Variants in DNAJC3 observed in about 807,000 individuals in gnomAD.
DNAJC3 encodes dnaJ homolog subfamily C member 3.
A neutral mutation model predicts 68.6 loss-of-function variants in DNAJC3; 38 were observed. The observed-to-expected ratio is 0.55, with a 90% CI of 0.43 to 0.73. The LOEUF (loss-of-function observed/expected upper bound fraction) is 0.73. Ranked by LOEUF, DNAJC3 falls within the 30% of genes least tolerant of loss-of-function variation. The pLI is 0.00. For synonymous variants in DNAJC3, 203 were observed against 204.0 expected, an observed-to-expected ratio of 1.00 and a Z score of 0.04; for missense variants, 526 against 591.9, an observed-to-expected ratio of 0.89 and a Z score of 1.16.
intron 4 of DNAJC3, among the ~76,000 whole-genome samples, chr13:95,726,568 T>C (rs1197132374): frequency 6.6e-6 from 1 of 152,232 alleles, no homozygotes; most frequent in African/African-American, 2.4e-5. Context: ...TCATCCATTA[T>C]GGCTGCTTTA....
At chr13:95,714,329 G>A (rs999719351) in intron 2 of DNAJC3, among the ~76,000 whole-genome samples, 6 of 151,150 alleles carry the variant, frequency 4.0e-5, no homozygotes, top group Admixed American at 4.0e-4. Flanking sequence ...CAGGTGCAGT[G>A]AGCTATGATT....
At chr13:95,763,789 T>G in intron 8 of DNAJC3, 41 bp downstream of exon 8, 1 of 1,613,806 alleles carries the variant, frequency 6.2e-7, no homozygotes, top group South Asian at 1.1e-5. Context: ...AAACTCAACA[T>G]GTGGAATACC....
chr13:95,730,667 T>C (rs1275439574), intron 4 of DNAJC3, among the ~76,000 whole-genome samples: 1 of 152,240 alleles, frequency 6.6e-6, no homozygotes, highest in African/African-American at 2.4e-5. Flanking sequence ...TCCATTGATG[T>C]ATGTGTCTGG....
intron 1 of DNAJC3, 68 bp from the exon 2 acceptor site, chr13:95,709,159 A>G: frequency 1.8e-6 from 2 of 1,127,324 alleles, no homozygotes; most frequent in Non-Finnish European, 1.2e-6. Context: ...TATTTTTAAT[A>G]TTATATTTTT....
chr13:95,700,135 G>C (rs1038353917), intron 1 of DNAJC3, among the ~76,000 whole-genome samples: 2 of 152,056 alleles, frequency 1.3e-5, no homozygotes, highest in African/African-American at 4.8e-5. Flanking sequence ...GTTTATATAA[G>C]ATATGGGGTC....
intron 9 of DNAJC3, among the ~76,000 whole-genome samples, chr13:95,783,267 C>T (rs951606156): frequency 2.0e-5 from 3 of 152,136 alleles, no homozygotes; most frequent in African/African-American, 7.2e-5. Flanking sequence ...AGGAAACAAC[C>T]TATAATTTTA....
chr13:95,727,062 G>A (rs982365896), intron 4 of DNAJC3, among the ~76,000 whole-genome samples: 3 of 152,140 alleles, frequency 2.0e-5, no homozygotes, highest in Non-Finnish European at 4.4e-5. Context: ...TGATAGTGCC[G>A]GAGTAATCTT....
chr13:95,785,856 C>A, intron 9 of DNAJC3, 83 bp from the exon 10 acceptor site: 1 of 1,347,242 alleles, frequency 7.4e-7, no homozygotes, highest in East Asian at 2.6e-5. Flanking sequence ...GGGATGACGA[C>A]TTTAGCATCA....
At chr13:95,764,368 T>C (rs1330683502) in intron 9 of DNAJC3, among the ~76,000 whole-genome samples, 1 of 139,496 alleles carries the variant, frequency 7.2e-6, no homozygotes. Context: ...TCTCTCTCTC[T>C]CTCTCTCTAT....
intron 1 of DNAJC3, among the ~76,000 whole-genome samples, chr13:95,680,924 A>T (rs899196429): frequency 6.6e-6 from 1 of 151,326 alleles, no homozygotes; most frequent in East Asian, 1.9e-4. Flanking sequence ...AAAGCTACTT[A>T]AAAAAATTAA....
At chr13:95,775,981 C>T (rs1322025140) in intron 9 of DNAJC3, among the ~76,000 whole-genome samples, 1 of 151,568 alleles carries the variant, frequency 6.6e-6, no homozygotes, top group Non-Finnish European at 1.5e-5. Flanking sequence ...TGTGAAGATA[C>T]TCTTTTTATA....
intron 1 of DNAJC3, among the ~76,000 whole-genome samples, chr13:95,684,816 C>T (rs1880027849): frequency 6.6e-6 from 1 of 152,248 alleles, no homozygotes; most frequent in Admixed American, 6.5e-5. Context: ...GGCCTTCAGA[C>T]GGTGCCAGCC....
intron 2 of DNAJC3, among the ~76,000 whole-genome samples, chr13:95,710,136 C>T (rs976733642): frequency 3.9e-5 from 6 of 152,046 alleles, no homozygotes; most frequent in South Asian, 2.1e-4. Flanking sequence ...AATCAACTGT[C>T]GTGCAGCTGC....
chr13:95,691,836 C>G (rs890025415), intron 1 of DNAJC3, among the ~76,000 whole-genome samples: 1 of 152,242 alleles, frequency 6.6e-6, no homozygotes, highest in African/African-American at 2.4e-5. Flanking sequence ...GCGGATCACT[C>G]GCGGTTAGGA....
Position 95,709,248 on chromosome 13 carries a change from C to T in DNAJC3, c.104C>T (p.Ala35Val). The T allele has an allele frequency of 6.3e-7, 1 of 1,576,496 alleles. No homozygotes were observed. Among genetic ancestry groups the T allele is most frequent in the Non-Finnish European group, 8.6e-7 (1 of 1,161,156 alleles). ...TTAGGTGCTGAATGTGGAGTAAATG[C>T]AGATGTTGAGAAACATCTTGAATTG... ...QYEGAECGVN[A>V]DVEKHLELGK... Residue 35 changes from alanine to valine, a missense_variant, in exon 2 of 12, where the codon GCA (alanine) becomes GTA (valine). By Grantham distance (64) the Ala-to-Val change is moderately conservative. Coordinates refer to ENST00000602402, the MANE Select transcript of DNAJC3 (RefSeq NM_006260.5).
At position 95,791,375 on chromosome 13, in the gene DNAJC3, G is replaced by GAGTA. The variant is rs202157256; in HGVS notation, c.*349_*352dup. On this transcript the variant is annotated 3_prime_UTR_variant, in exon 12 of 12. Transcript: ENST00000602402. ...AGATTCTTCTCTTCACAGCCTTGCA[G>GAGTA]AGTAAGTCAGTGCCTACAAGTGTAA... is the stretch of plus-strand genomic sequence containing the variant. The GAGTA allele has an allele frequency of 7.4e-3, 2,172 of 292,640 alleles. 51 individuals are homozygous for GAGTA. Among genetic ancestry groups the GAGTA allele is most frequent in the African/African-American group, 0.044 (1,924 of 43,456 alleles). 18.1% of individuals were successfully genotyped at this position (292,640 alleles called of 1,614,324 possible). A position where few individuals can be genotyped will look rare whatever the true frequency, so the allele number is the denominator to read the frequency against.
At chr13:95,681,165 A>G (rs964070920) in intron 1 of DNAJC3, among the ~76,000 whole-genome samples, 4 of 152,156 alleles carry the variant, frequency 2.6e-5, no homozygotes, top group African/African-American at 9.6e-5. Context: ...GTGGTCCATT[A>G]TTGTAGTTAG....
intron 1 of DNAJC3, among the ~76,000 whole-genome samples, chr13:95,690,859 G>A (rs1880222466): frequency 7.3e-6 from 1 of 136,870 alleles, no homozygotes; most frequent in Non-Finnish European, 1.6e-5. Context: ...TTCCCAGTAG[G>A]GGCGGCCGGG....
At chr13:95,710,785 C>T (rs1016362919) in intron 2 of DNAJC3, among the ~76,000 whole-genome samples, 2 of 152,112 alleles carry the variant, frequency 1.3e-5, no homozygotes, top group Non-Finnish European at 2.9e-5. Flanking sequence ...CTCCTGGGCT[C>T]AGGTGATCCT....
Sources: gnomAD v4.1 joint callset for allele counts (sites outside exome capture counted in the v4.1 genomes callset) on GRCh38, gnomAD v4.1.1 for gene constraint, MANE v1.5 for transcripts, NCBI Gene and HGNC (gene_info 2026-07-23, HGNC 2026-07-21) for gene names.